YAE1: variants seen among roughly 807,000 people sequenced by gnomAD.
YAE1 encodes the protein protein YAE1 homolog.
Under a neutral mutation model 23.0 loss-of-function variants are expected in YAE1, and 22 were observed. That is an observed-to-expected ratio of 0.96 (90% confidence interval 0.68 to 1.37). The LOEUF (loss-of-function observed/expected upper bound fraction) is 1.37. Ranked by LOEUF, YAE1 falls within the 40% of genes most tolerant of loss-of-function variation. YAE1 has a pLI of 0.00. For synonymous variants in YAE1, 101 were observed against 97.0 expected (o/e 1.04, Z -0.24); for missense variants, 260 against 262.1 (o/e 0.99, Z 0.06).
downstream of YAE1, among the ~76,000 whole-genome samples, chr7:39,577,719 AACGAGC>A (rs1272703202): frequency 6.6e-6 from 1 of 152,038 alleles, no homozygotes; most frequent in Non-Finnish European, 1.5e-5. Flanking sequence ...AAGCCTCCCC[AACGAGC>A]ACCACCCCCT....
chr7:39,595,622 G>C (rs1790962504), intron 2 of YAE1, among the ~76,000 whole-genome samples: 1 of 152,098 alleles, frequency 6.6e-6, no homozygotes, highest in Non-Finnish European at 1.5e-5. Context: ...AATAATATCT[G>C]AATGAATGAA....
downstream of YAE1, among the ~76,000 whole-genome samples, chr7:39,577,401 C>T (rs971072163): frequency 6.6e-6 from 1 of 152,168 alleles, no homozygotes; most frequent in African/African-American, 2.4e-5. Flanking sequence ...CTGGGCTGGC[C>T]GAGGCCGGAA....
At chr7:39,567,720 A>G (rs1181028089) in intron 1 of YAE1, among the ~76,000 whole-genome samples, 7 of 152,160 alleles carry the variant, frequency 4.6e-5, no homozygotes, top group Non-Finnish European at 8.8e-5. Flanking sequence ...CAATGGTATA[A>G]TATTTTATAT....
At chr7:39,599,254 T>C (rs192633304) in intron 2 of YAE1, among the ~76,000 whole-genome samples, 38 of 151,338 alleles carry the variant, frequency 2.5e-4, no homozygotes, top group Non-Finnish European at 4.7e-4. Flanking sequence ...GTAATAATAA[T>C]AAATAAATAA....
At chr7:39,589,438 T>G (rs1790869713) in intron 2 of YAE1, among the ~76,000 whole-genome samples, 1 of 152,094 alleles carries the variant, frequency 6.6e-6, no homozygotes, top group South Asian at 2.1e-4. Flanking sequence ...TGGCTAATTT[T>G]TTTAATTTTT....
downstream of YAE1, among the ~76,000 whole-genome samples, chr7:39,574,600 G>A (rs1000106247): frequency 1.3e-5 from 2 of 152,070 alleles, no homozygotes; most frequent in African/African-American, 2.4e-5. Flanking sequence ...AGGCATGGTG[G>A]TGCATGCCTG....
At chr7:39,597,031 C>T (rs1470453618) in intron 2 of YAE1, among the ~76,000 whole-genome samples, 2 of 152,202 alleles carry the variant, frequency 1.3e-5, no homozygotes, top group African/African-American at 2.4e-5. Context: ...AAAGACATTT[C>T]TGTGATAAGT....
intron 2 of YAE1, among the ~76,000 whole-genome samples, chr7:39,599,784 A>G (rs1451719369): frequency 6.6e-6 from 1 of 150,756 alleles, no homozygotes; most frequent in Non-Finnish European, 1.5e-5. Flanking sequence ...TCCAGGCTGG[A>G]GTGCATGTTG....
At chr7:39,572,155 GA>G in intron 2 of YAE1, 121 bp from the exon 3 acceptor site, 5 of 1,019,516 alleles carry the variant, frequency 4.9e-6, no homozygotes, top group Non-Finnish European at 6.9e-6. Flanking sequence ...AGTTATGAAA[GA>G]GGGGTTATGA....
intron 1 of YAE1, 23 bp downstream of exon 1, chr7:39,566,570 G>A: frequency 6.2e-7 from 1 of 1,612,486 alleles, no homozygotes; most frequent in Non-Finnish European, 8.5e-7. Context: ...TGGACGGCGC[G>A]GGGTGCTGGG....
At position 39,566,423 on chromosome 7, in the gene YAE1, C is replaced by A; in HGVS notation, c.5C>A (p.Ser2Ter). Reference sequence around the variant, plus strand: ...GACCCCGTAATTGCCTCGGTGATGTCGTGGGTTCAAGCAGCCTCCTTGATC... The same window carrying A: ...GACCCCGTAATTGCCTCGGTGATGTAGTGGGTTCAAGCAGCCTCCTTGATC... M[S>*]WVQAASLIQG... Residue 2 changes from serine (S) to a stop codon, truncating the protein, a stop_gained, in exon 1 of 3, where the codon TCG becomes TAG. Coordinates refer to ENST00000223273, the MANE Select transcript of YAE1 (RefSeq NM_020192.5). LOFTEE classifies it high-confidence loss of function. The A allele has an allele frequency of 6.2e-7, 1 of 1,613,854 alleles. No homozygotes were observed. Among genetic ancestry groups the A allele is most frequent in the Non-Finnish European group, 8.5e-7 (1 of 1,179,788 alleles).
chr7:39,567,216 T>C (rs1790486358), intron 1 of YAE1, among the ~76,000 whole-genome samples: 1 of 152,248 alleles, frequency 6.6e-6, no homozygotes, highest in South Asian at 2.1e-4. Flanking sequence ...AAATTGCCGC[T>C]AAAGCTGCAG....
At chr7:39,573,655 A>G (rs1323815905), downstream of YAE1, among the ~76,000 whole-genome samples, 2 of 152,126 alleles carry the variant, frequency 1.3e-5, no homozygotes, top group East Asian at 1.9e-4. Context: ...TTTCACCCCT[A>G]TTTATACCTA....
rs1167517166 is a variant in YAE1 at position 39,572,349 on chromosome 7, T to G, written c.324T>G (p.Asp108Glu). Residue 108 changes from aspartate (D) to glutamate (E), a missense_variant, in exon 3 of 3, where the codon GAT becomes GAG. Asp to Glu is a conservative substitution (Grantham distance 45). Coordinates refer to ENST00000223273, the MANE Select transcript of YAE1 (RefSeq NM_020192.5). ...TLINKINNLLDAVGQCEEYVL... is the reference protein window; with the variant it reads ...TLINKINNLLEAVGQCEEYVL... ...TCAATAAAATAAACAATCTTCTGGATGCAGTTGGCCAGTGTGAAGAGTATG... is the reference window on the plus strand; with the variant it reads ...TCAATAAAATAAACAATCTTCTGGAGGCAGTTGGCCAGTGTGAAGAGTATG... 6.2e-7 allele frequency: 1 copy of G among 1,614,124 alleles called. No homozygotes were observed. The highest frequency in any genetic ancestry group is 1.7e-5 in the Admixed American group (1 of 60,030).
At position 39,572,606 on chromosome 7, in the gene YAE1, C is replaced by G. The variant is rs1341651898; in HGVS notation, c.581C>G (p.Ser194Ter). 8.1e-6 allele frequency: 13 copies of G among 1,614,048 alleles called. No individual in the cohort carries two copies. The highest frequency in any genetic ancestry group is 1.1e-5 in the Non-Finnish European group (13 of 1,179,938). Residue 194 changes from serine to a stop codon, truncating the protein, a stop_gained, in exon 3 of 3, where the codon TCA becomes TGA. Coordinates refer to ENST00000223273, the MANE Select transcript of YAE1 (RefSeq NM_020192.5). LOFTEE classifies it high-confidence loss of function. Reference protein sequence around the residue: ...ECCRTQEHAHSENPSPTWILE... With the variant: ...ECCRTQEHAH ...TGTAGAACACAGGAGCATGCACATT[C>G]AGAAAACCCAAGCCCCACATGGATT...
downstream of YAE1, among the ~76,000 whole-genome samples, chr7:39,573,258 TAATTA>T (rs374614782): frequency 7.5e-4 from 114 of 152,172 alleles, 2 homozygotes; most frequent in East Asian, 0.017. Context: ...AGTTTTGTGT[TAATTA>T]AAAGTAAGGA....
In YAE1 at chr7:39,609,902, C is replaced by CGA. The variant is rs763066257; in HGVS notation, c.538_539insAG (p.Ala180GlufsTer33). The CGA allele has an allele frequency of 5.9e-6, 9 of 1,531,044 alleles. No individual in the cohort carries two copies. The highest frequency in any genetic ancestry group is 7.0e-6 in the Non-Finnish European group (8 of 1,144,764). The allele number at this position is 1,531,044 out of a possible 1,614,324, so 94.8% of individuals were successfully genotyped here. Reference sequence around the variant, plus strand: ...ACCGCGACCCTGCAGCAGCCTGCCCCGCCTGGCCGCCAGAGGCACCTTCCA... The same window carrying CGA: ...ACCGCGACCCTGCAGCAGCCTGCCCCGAGCCTGGCCGCCAGAGGCACCTTCCA... On this transcript the variant is annotated frameshift_variant, in exon 3 of 3. Transcript: ENST00000432096. LOFTEE classifies it low-confidence loss of function (END_TRUNC).
intron 2 of YAE1, among the ~76,000 whole-genome samples, chr7:39,602,947 C>T (rs1390416174): frequency 6.6e-6 from 1 of 151,814 alleles, no homozygotes; most frequent in Non-Finnish European, 1.5e-5. Context: ...TGAGGTTTCA[C>T]GATGTTGGTC....
intron 1 of YAE1, chr7:39,570,106 T>C: frequency 9.9e-7 from 1 of 1,010,646 alleles, no homozygotes; most frequent in Non-Finnish European, 1.5e-6. Flanking sequence ...TGATGATGCG[T>C]ACGTTGCTCT....
Sources: gnomAD v4.1 joint callset for allele counts (sites outside exome capture counted in the v4.1 genomes callset) on GRCh38, gnomAD v4.1.1 for gene constraint, MANE v1.5 for transcripts, NCBI Gene and HGNC (gene_info 2026-07-23, HGNC 2026-07-21) for gene names.